The following ADAMTS12 variants were observed in gnomAD, a reference collection of about 807,000 sequenced individuals.
The protein encoded by ADAMTS12 is A disintegrin and metalloproteinase with thrombospondin motifs 12.
ADAMTS12 carries 118 observed loss-of-function variants against 167.8 expected under a neutral mutation model. The observed-to-expected ratio is 0.70, with a 90% confidence interval of 0.61 to 0.82. The LOEUF (loss-of-function observed/expected upper bound fraction) is 0.82, where lower values mean the gene tolerates loss of function less well. ADAMTS12 is among the 40% of genes least tolerant of loss of function. The pLI is 0.00. For missense variants in ADAMTS12, 1,916 were observed against 1,998.8 expected (o/e 0.96, Z 0.79); for synonymous variants, 704 against 716.9 (o/e 0.98, Z 0.29).
chr5:33,872,391 A>G (rs1405360309), intron 2 of ADAMTS12, among the ~76,000 whole-genome samples: 1 of 152,100 alleles, frequency 6.6e-6, no homozygotes, highest in South Asian at 2.1e-4. Flanking sequence ...TAAAAAAAAT[A>G]CAAAAATTAG....
chr5:33,815,492 A>G (rs1469713239), intron 2 of ADAMTS12, among the ~76,000 whole-genome samples: 1 of 152,216 alleles, frequency 6.6e-6, no homozygotes, highest in African/African-American at 2.4e-5. Context: ...GAACCTGACC[A>G]TCCTGGTGCC....
chr5:33,625,404 T>G (rs1468940980), intron 13 of ADAMTS12, among the ~76,000 whole-genome samples: 1 of 152,174 alleles, frequency 6.6e-6, no homozygotes, highest in African/African-American at 2.4e-5. Flanking sequence ...ATGCCAGCCC[T>G]TCACAAGCAA....
rs1044810996 is a variant in ADAMTS12, at chr5:33,525,057, C to T, written c.*2131G>A. ...GGTCTCTGATGACACGTATTTGACC[C>T]TATGCTAGTACAGTACCAGGTTAAA... On this transcript the variant is annotated 3_prime_UTR_variant, in exon 24 of 24. Transcript: ENST00000504830. 6.6e-6 allele frequency: 1 copy of T among 152,180 alleles called. No homozygotes were observed. Among genetic ancestry groups the T allele is most frequent in the Admixed American group, 6.5e-5 (1 of 15,276 alleles). 9.4% of individuals were successfully genotyped at this position (152,180 alleles called of 1,614,324 possible).
At chr5:33,766,712 T>C (rs1221421317) in intron 2 of ADAMTS12, among the ~76,000 whole-genome samples, 1 of 152,190 alleles carries the variant, frequency 6.6e-6, no homozygotes, top group Non-Finnish European at 1.5e-5. Flanking sequence ...TCATTCTTTT[T>C]TAATTAGTAT....
At chr5:33,809,017 C>T (rs1747343146) in intron 2 of ADAMTS12, among the ~76,000 whole-genome samples, 1 of 152,214 alleles carries the variant, frequency 6.6e-6, no homozygotes, top group African/African-American at 2.4e-5. Flanking sequence ...TTGCTTTCCA[C>T]ATCCCGCTTC....
intron 3 of ADAMTS12, among the ~76,000 whole-genome samples, chr5:33,698,821 C>T (rs1489757120): frequency 3.3e-5 from 5 of 152,084 alleles, no homozygotes; most frequent in Non-Finnish European, 7.3e-5. Flanking sequence ...ACTGCTAACT[C>T]TCTTTTGGAA....
chr5:33,649,990 T>C (rs1039482253), intron 7 of ADAMTS12, among the ~76,000 whole-genome samples: 1 of 152,234 alleles, frequency 6.6e-6, no homozygotes, highest in South Asian at 2.1e-4. Context: ...GCTTTCTTTC[T>C]ATGAATCAGG....
chr5:33,858,701 A>G (rs987482023), intron 2 of ADAMTS12, among the ~76,000 whole-genome samples: 2 of 152,056 alleles, frequency 1.3e-5, no homozygotes, highest in African/African-American at 4.8e-5. Flanking sequence ...CAACAACAAA[A>G]AAAACTTGAG....
intron 2 of ADAMTS12, among the ~76,000 whole-genome samples, chr5:33,879,522 T>A (rs1383999272): frequency 6.6e-6 from 1 of 152,122 alleles, no homozygotes; most frequent in Non-Finnish European, 1.5e-5. Flanking sequence ...ATGACAGCCG[T>A]GGAGCTGGGA....
chr5:33,856,700 G>A (rs1749413590), intron 2 of ADAMTS12, among the ~76,000 whole-genome samples: 1 of 151,990 alleles, frequency 6.6e-6, no homozygotes, highest in South Asian at 2.1e-4. Context: ...AAAACCACTA[G>A]ATATAGCCCT....
At chr5:33,787,793 C>T (rs1746382773) in intron 2 of ADAMTS12, among the ~76,000 whole-genome samples, 1 of 152,198 alleles carries the variant, frequency 6.6e-6, no homozygotes, top group Admixed American at 6.5e-5. Context: ...GTTTCCCATA[C>T]AGAAAAGAGC....
intron 3 of ADAMTS12, among the ~76,000 whole-genome samples, chr5:33,701,951 A>T (rs1338243529): frequency 6.6e-6 from 1 of 152,188 alleles, no homozygotes; most frequent in Non-Finnish European, 1.5e-5. Context: ...GTTTCCTCTT[A>T]ATGAGAACTT....
intron 2 of ADAMTS12, among the ~76,000 whole-genome samples, chr5:33,847,643 G>T (rs534630462): frequency 1.3e-5 from 2 of 151,370 alleles, no homozygotes; most frequent in South Asian, 2.1e-4. Context: ...AAGAAAGAAA[G>T]AAAGAAAAGG....
chr5:33,882,566 C>CT (rs1158369550), intron 1 of ADAMTS12, among the ~76,000 whole-genome samples: 1 of 152,052 alleles, frequency 6.6e-6, no homozygotes, highest in African/African-American at 2.4e-5. Context: ...TACACTTCTT[C>CT]TTTTTTTGTT....
intron 3 of ADAMTS12, among the ~76,000 whole-genome samples, chr5:33,747,670 C>G (rs1004085938): frequency 2.6e-5 from 4 of 152,070 alleles, no homozygotes; most frequent in South Asian, 2.1e-4. Context: ...GAGATTGGAT[C>G]GAGTGTGAAA....
intron 2 of ADAMTS12, among the ~76,000 whole-genome samples, chr5:33,804,090 T>C (rs1747123057): frequency 6.6e-6 from 1 of 152,170 alleles, no homozygotes; most frequent in African/African-American, 2.4e-5. Context: ...CATGGGCTAT[T>C]ATAAGGACCG....
At chr5:33,724,802 C>G (rs1361119161) in intron 3 of ADAMTS12, among the ~76,000 whole-genome samples, 2 of 152,132 alleles carry the variant, frequency 1.3e-5, no homozygotes, top group African/African-American at 4.8e-5. Flanking sequence ...CCACCCGCCT[C>G]GGCCTCCCAA....
intron 20 of ADAMTS12, among the ~76,000 whole-genome samples, chr5:33,549,611 C>T (rs960105503): frequency 3.3e-5 from 5 of 152,226 alleles, no homozygotes; most frequent in Non-Finnish European, 7.3e-5. Flanking sequence ...TAGTCTTGAG[C>T]CCTTGGGCCT....
rs139966946 is a variant in ADAMTS12 at position 33,615,879 on chromosome 5, G to T, written c.2337C>A (p.Asp779Glu). ...GACCTGTGGCCATCAGCTTTTCCAG[G>T]TCTCCTTTCCTGTCATACTGAAAGA... ...GTVFQYDRKGDLEKLMATGPT... is the reference protein window; with the variant it reads ...GTVFQYDRKGELEKLMATGPT... The change falls in exon 15 of 24, where the codon GAC becomes GAA. Residue 779 changes from aspartate (D) to glutamate (E), a missense_variant. Physicochemically the swap from Asp to Glu is conservative, Grantham distance 45. Coordinates refer to ENST00000504830, the MANE Select transcript of ADAMTS12 (RefSeq NM_030955.4). 6.2e-7 allele frequency: 1 copy of T among 1,613,892 alleles called. No homozygotes were observed. Among genetic ancestry groups the T allele is most frequent in the East Asian group, 2.2e-5 (1 of 44,884 alleles).
Sources: gnomAD v4.1 joint callset for allele counts (sites outside exome capture counted in the v4.1 genomes callset) on GRCh38, gnomAD v4.1.1 for gene constraint, MANE v1.5 for transcripts, NCBI Gene and HGNC (gene_info 2026-07-23, HGNC 2026-07-21) for gene names.